TOPBP1: variants seen among roughly 807,000 people sequenced by gnomAD.
TOPBP1 encodes the protein DNA topoisomerase II binding protein 1, also known as DNA topoisomerase 2-binding protein 1.
TOPBP1 carries 28 observed loss-of-function variants against 167.7 expected under a neutral mutation model. That is an observed-to-expected ratio of 0.17 (90% CI 0.12 to 0.23). TOPBP1 has a LOEUF of 0.23. TOPBP1 is among the 10% of genes least tolerant of loss of function. The pLI is 1.00. For missense variants in TOPBP1, 1,554 were observed against 1,809.6 expected (o/e 0.86, Z 2.56); for synonymous variants, 598 against 611.4 (o/e 0.98, Z 0.32).
rs2107762521 is a variant in TOPBP1, at chr3:133,601,112, A to G, written c.*138T>C. 1 of 649,674 alleles carries G rather than the reference A, an allele frequency of 1.5e-6. No individual in the cohort carries two copies. The allele number at this position is 649,674 out of a possible 1,614,324, so 40.2% of individuals were successfully genotyped here. A position where few individuals can be genotyped will look rare whatever the true frequency, so the allele number is the denominator to read the frequency against. On this transcript the variant is annotated 3_prime_UTR_variant, in exon 28 of 28. Transcript: ENST00000260810. ...TACAATTTCAGGTGTTCAAAACTCA[A>G]GAAGGGTCATCATTATACTCTGAAG...
chr3:133,627,672 G>A (rs1935311496), intron 16 of TOPBP1, among the ~76,000 whole-genome samples: 1 of 152,140 alleles, frequency 6.6e-6, no homozygotes, highest in Non-Finnish European at 1.5e-5. Flanking sequence ...AAATTCTTAT[G>A]ATATCTATGA....
At chr3:133,626,062 G>A (rs951175183) in intron 16 of TOPBP1, among the ~76,000 whole-genome samples, 2 of 152,106 alleles carry the variant, frequency 1.3e-5, no homozygotes, top group African/African-American at 4.8e-5. Flanking sequence ...TTACATCAGG[G>A]TTTGGCAAAT....
chr3:133,624,317 G>T, intron 16 of TOPBP1, 142 bp from the exon 17 acceptor site: 1 of 951,606 alleles, frequency 1.1e-6, no homozygotes, highest in Non-Finnish European at 1.5e-6. Flanking sequence ...AAAATGACAG[G>T]CTCAAGCCAA....
intron 16 of TOPBP1, among the ~76,000 whole-genome samples, chr3:133,627,887 A>AG (rs1935318124): frequency 6.6e-6 from 1 of 152,016 alleles, no homozygotes; most frequent in African/African-American, 2.4e-5. Flanking sequence ...AAAAAAAAAA[A>AG]GATAATGAAA....
At chr3:133,606,922 T>C (rs553156200) in intron 27 of TOPBP1, among the ~76,000 whole-genome samples, 5 of 151,680 alleles carry the variant, frequency 3.3e-5, no homozygotes, top group African/African-American at 1.2e-4. Context: ...AAATATTAAA[T>C]ACACACACAC....
chr3:133,655,387 C>A lies in TOPBP1; in HGVS notation c.645G>T (p.Arg215Ser), dbSNP rs764107843. 2 of 1,607,074 alleles carry A rather than the reference C, an allele frequency of 1.2e-6. No individual in the cohort carries two copies. The highest frequency in any genetic ancestry group is 1.7e-6 in the Non-Finnish European group (2 of 1,176,786). ...ICVTGLCGLD[R>S]KEVQQLTVKH... is the part of the protein sequence containing the mutation. ...TAACTGTGAGTTGCTGAACTTCTTT[C>A]CTGTCTAAGCCACATAAGCCAGTCA... is the stretch of plus-strand genomic sequence containing the variant. The change falls in exon 6 of 28, where the codon AGG becomes AGT. Residue 215 changes from arginine (R) to serine (S), a missense_variant. Arg to Ser is a moderately radical substitution (Grantham distance 110). Coordinates refer to ENST00000260810, the MANE Select transcript of TOPBP1 (RefSeq NM_007027.4).
rs373196410 is a variant in TOPBP1 at position 133,628,676 on chromosome 3, T to A, written c.2578A>T (p.Ser860Cys). The change falls in exon 15 of 28, where the codon AGT (serine) becomes TGT (cysteine). Residue 860 changes from serine (S) to cysteine (C), a missense_variant. Transcript: ENST00000260810. ...GRPSQQKRKP[S>C]TPLSEVIVKN... Reference sequence around the variant, plus strand: ...ACAATAACTTCTGAGAGTGGCGTACTCGGTTTCCTTTTCTGTTGGCTGGGA... The same window carrying A: ...ACAATAACTTCTGAGAGTGGCGTACACGGTTTCCTTTTCTGTTGGCTGGGA... 3.8e-5 allele frequency: 59 copies of A among 1,565,098 alleles called. No homozygotes were observed. Among genetic ancestry groups the A allele is most frequent in the Non-Finnish European group, 4.9e-5 (56 of 1,153,808 alleles).
At chr3:133,602,856 T>C (rs576664642) in intron 27 of TOPBP1, among the ~76,000 whole-genome samples, 7 of 151,814 alleles carry the variant, frequency 4.6e-5, no homozygotes, top group Non-Finnish European at 1.0e-4. Flanking sequence ...GGGAAGCAAA[T>C]GAACCAACTT....
intron 14 of TOPBP1, among the ~76,000 whole-genome samples, chr3:133,636,401 GATT>G (rs1935676821): frequency 8.2e-6 from 1 of 121,718 alleles, no homozygotes; most frequent in South Asian, 2.6e-4. Flanking sequence ...AAGATGATAA[GATT>G]ATCATCTGAT....
chr3:133,619,351 CAT>C (rs1363713386), intron 20 of TOPBP1, among the ~76,000 whole-genome samples: 1 of 152,108 alleles, frequency 6.6e-6, no homozygotes, highest in East Asian at 1.9e-4. Flanking sequence ...TGAACTGCCT[CAT>C]GTAATACAGT....
intron 25 of TOPBP1, 83 bp downstream of exon 25, chr3:133,610,921 A>G (rs1934652558): frequency 7.3e-7 from 1 of 1,361,404 alleles, no homozygotes; most frequent in Admixed American, 2.5e-5. Context: ...TATTTCCTGA[A>G]GCACATTCTC....
Position 133,623,193 on chromosome 3 carries a change from G to C in TOPBP1, c.3076C>G (p.Pro1026Ala). 1 of 1,610,668 alleles carries C rather than the reference G, an allele frequency of 6.2e-7. No homozygotes were observed. Among genetic ancestry groups the C allele is most frequent in the Non-Finnish European group, 8.5e-7 (1 of 1,178,298 alleles). ...SAVSSTKDDE[P>A]DPLILEENDV... Reference sequence around the variant, plus strand: ...TTTTCTTCTAAAATCAAAGGATCTGGCTATTGAAAAAGAAAAATTATAAAT... The same window carrying C: ...TTTTCTTCTAAAATCAAAGGATCTGCCTATTGAAAAAGAAAAATTATAAAT... The change falls in exon 19 of 28, where the codon CCA becomes GCA. Residue 1026 changes from proline to alanine, a missense_variant and splice_region_variant. This residue lies in a region of TOPBP1 where 1,197 missense variants were observed against 1,351.5 expected (regional missense o/e 0.89). Coordinates refer to ENST00000260810, the MANE Select transcript of TOPBP1 (RefSeq NM_007027.4).
chr3:133,601,466 T>C, intron 27 of TOPBP1, 73 bp from the exon 28 acceptor site: 3 of 1,213,676 alleles, frequency 2.5e-6, no homozygotes. Flanking sequence ...AGATTTTTTC[T>C]TTAAATCTCA....
Position 133,618,406 on chromosome 3 carries a change from G to T in TOPBP1, c.3399C>A (p.Val1133=). Residue 1133 remains valine, a synonymous_variant, in exon 21 of 28, where the codon GTC becomes GTA. Transcript: ENST00000260810. ...GTTCATTTTGGGAAGGCTCTGTGTT[G>T]ACATCAGGTACTGTCTGACGAGACT... ...LRQSRQTVPD[V]NTEPSQNEQI... 6.2e-7 allele frequency: 1 copy of T among 1,613,846 alleles called. No homozygotes were observed. Among genetic ancestry groups the T allele is most frequent in the South Asian group, 1.1e-5 (1 of 91,064 alleles).
At chr3:133,644,538 T>TA (rs1327619553) in intron 10 of TOPBP1, among the ~76,000 whole-genome samples, 175 bp from the exon 11 acceptor site, 1 of 152,112 alleles carries the variant, frequency 6.6e-6, no homozygotes, top group Non-Finnish European at 1.5e-5. Flanking sequence ...TTACCAAGAG[T>TA]CCTTATCAGT....
chr3:133,604,997 G>A (rs1470293485), intron 27 of TOPBP1, among the ~76,000 whole-genome samples: 1 of 151,590 alleles, frequency 6.6e-6, no homozygotes. Context: ...GAAGCCGTGG[G>A]GATCACTTAA....
intron 27 of TOPBP1, among the ~76,000 whole-genome samples, chr3:133,603,870 C>G (rs988956049): frequency 1.3e-5 from 2 of 151,834 alleles, no homozygotes; most frequent in African/African-American, 4.8e-5. Flanking sequence ...CACCCAACAG[C>G]TGCAGAATAT....
chr3:133,631,953 A>G (rs1292293971), intron 14 of TOPBP1, among the ~76,000 whole-genome samples: 2 of 151,718 alleles, frequency 1.3e-5, no homozygotes, highest in Non-Finnish European at 2.9e-5. Flanking sequence ...CCAGTTGTTT[A>G]AAAGTGTGTG....
In TOPBP1 at chr3:133,638,138, G is replaced by A; in HGVS notation, c.2258C>T (p.Thr753Ile). The change falls in exon 14 of 28, where the codon ACA becomes ATA. Residue 753 changes from threonine to isoleucine, a missense_variant. Thr to Ile is a moderately conservative substitution (Grantham distance 89, BLOSUM62 -1). This residue lies in a region of TOPBP1 where 1,197 missense variants were observed against 1,351.5 expected (regional missense o/e 0.89). Transcript: ENST00000260810. ...KEERSLETEI[T>I]NGINLNSDTA... is the part of the protein sequence containing the mutation. ...ATCTGAATTTAGATTGATTCCATTT[G>A]TTATTTCTGTTTCCAAACTTCGTTC... is the stretch of plus-strand genomic sequence containing the variant. 6.2e-7 allele frequency: 1 copy of A among 1,613,236 alleles called. No homozygotes were observed.
Sources: allele counts gnomAD v4.1 joint callset (sites outside exome capture counted in the v4.1 genomes callset), GRCh38; gene constraint gnomAD v4.1.1; regional missense constraint gnomAD v4.1.1; transcripts MANE v1.5; gene names NCBI Gene and HGNC (gene_info 2026-07-23, HGNC 2026-07-21).